Variants in CDH12 observed in about 807,000 individuals in gnomAD.
The protein encoded by CDH12 is cadherin-12.
A neutral mutation model predicts 74.1 loss-of-function variants in CDH12; 41 were observed. The ratio of observed to expected loss-of-function variants is 0.55; its 90% CI spans 0.43 to 0.72. The LOEUF (loss-of-function observed/expected upper bound fraction) is 0.72. CDH12 is among the 30% of genes least tolerant of loss of function. The pLI, the probability that CDH12 is intolerant of heterozygous loss-of-function variation, is 0.00. For synonymous variants in CDH12, 399 were observed against 355.0 expected, an observed-to-expected ratio of 1.12 and a Z score of -1.39; for missense variants, 945 against 977.2, an observed-to-expected ratio of 0.97 and a Z score of 0.44.
rs1232003036 is a variant in CDH12, at chr5:22,019,645, T to A, written c.232-44260A>T. Among the ~76,000 whole-genome samples, 5 of 152,194 alleles carry A rather than the reference T, an allele frequency of 3.3e-5. No homozygotes were observed. In the East Asian group the frequency reaches 9.6e-4, roughly 29 times the overall value. On this transcript the variant is annotated intron_variant, in intron 5 of 14. Coordinates refer to ENST00000382254, the MANE Select transcript of CDH12 (RefSeq NM_004061.5). ...GCCCTCGCCATGAACCAAACACTGA[T>A]GGCACCTGGATCTTGGACTTCCACC... is the stretch of plus-strand genomic sequence containing the variant.
chr5:22,261,405 A>G (rs1276988429), intron 3 of CDH12, among the ~76,000 whole-genome samples: 1 of 151,842 alleles, frequency 6.6e-6, no homozygotes, highest in African/African-American at 2.4e-5. Flanking sequence ...CTAGTTGTTA[A>G]TAGTTGGTAT....
In CDH12 at chr5:22,742,181, C is replaced by CA. The variant is rs540578576; in HGVS notation, c.-523+110876dup. 8.3e-4 allele frequency among the ~76,000 whole-genome samples: 105 copies of CA among 126,646 alleles called. 3 individuals carry two copies. The South Asian group carries it at 0.015, about 18-fold the overall frequency. 83.1% of individuals were successfully genotyped at this position (126,646 alleles called of 152,430 possible). ...TGGGTGACAGAGCAAGACTCCATTT[C>CA]AAAAAAAAAGAAGAAAGAAAGAAAG... is the stretch of plus-strand genomic sequence containing the variant. On this transcript the variant is annotated intron_variant, in intron 1 of 14. Coordinates refer to ENST00000382254, the MANE Select transcript of CDH12 (RefSeq NM_004061.5).
chr5:21,811,634 T>A (rs990978634), intron 9 of CDH12, among the ~76,000 whole-genome samples: 2 of 151,730 alleles, frequency 1.3e-5, no homozygotes, highest in African/African-American at 4.8e-5. Flanking sequence ...TCTAGACAAT[T>A]TGAATTTTTA....
At chr5:21,902,732 A>G (rs1753449859) in intron 6 of CDH12, among the ~76,000 whole-genome samples, 1 of 152,094 alleles carries the variant, frequency 6.6e-6, no homozygotes, top group Non-Finnish European at 1.5e-5. Flanking sequence ...TAAATAAGAA[A>G]CTAAACTTTA....
intron 6 of CDH12, among the ~76,000 whole-genome samples, chr5:21,902,373 A>G (rs1014709687): frequency 6.6e-6 from 1 of 151,698 alleles, no homozygotes; most frequent in Admixed American, 6.6e-5. Context: ...TCTCTTTCAG[A>G]TCTTTGCTAC....
chr5:21,755,972 G>A, intron 13 of CDH12, 130 bp from the exon 14 acceptor site: 1 of 843,884 alleles, frequency 1.2e-6, no homozygotes. Flanking sequence ...TTTTATTTCT[G>A]TTCACATTAT....
At chr5:22,560,422 C>T (rs548339967) in intron 1 of CDH12, among the ~76,000 whole-genome samples, 80 of 152,166 alleles carry the variant, frequency 5.3e-4, no homozygotes, top group African/African-American at 1.9e-3. Context: ...CTCTTGAAAC[C>T]TATCCCTTCA....
At chr5:21,883,587 A>G in intron 6 of CDH12, 1 of 1,604,356 alleles carries the variant, frequency 6.2e-7, no homozygotes, top group Non-Finnish European at 8.5e-7. Flanking sequence ...GTTGACCCTG[A>G]ATCTTGAAGA....
At chr5:22,816,372 C>A (rs527992580) in intron 1 of CDH12, among the ~76,000 whole-genome samples, 16 of 152,216 alleles carry the variant, frequency 1.1e-4, no homozygotes, top group African/African-American at 3.6e-4. Flanking sequence ...TCTTCCTAGA[C>A]TGCCAAATTT....
intron 5 of CDH12, among the ~76,000 whole-genome samples, chr5:21,978,462 T>A (rs1241146764): frequency 2.0e-5 from 3 of 152,158 alleles, no homozygotes; most frequent in African/African-American, 7.2e-5. Context: ...TATTTTTATA[T>A]GTTTCAGTTA....
At chr5:22,775,334 A>C (rs1747035410) in intron 1 of CDH12, among the ~76,000 whole-genome samples, 1 of 152,084 alleles carries the variant, frequency 6.6e-6, no homozygotes, top group African/African-American at 2.4e-5. Flanking sequence ...TATCACTGAC[A>C]CAAAATCACA....
chr5:22,125,083 G>A (rs1024930375), intron 4 of CDH12, among the ~76,000 whole-genome samples: 2 of 151,992 alleles, frequency 1.3e-5, no homozygotes, highest in Non-Finnish European at 2.9e-5. Context: ...TCAAGATTCG[G>A]GGTTTGATAC....
In CDH12 at chr5:21,800,904, C is replaced by T. The variant is rs137959475; in HGVS notation, c.1256+1263G>A. Among the ~76,000 whole-genome samples the T allele has an allele frequency of 5.6e-3, 855 of 152,236 alleles. 10 individuals are homozygous for T. Among genetic ancestry groups the T allele is most frequent in the African/African-American group, 0.02 (812 of 41,566 alleles). ...TGTAAGATGCGCCTGCTTCTCCTTC[C>T]GCCATGATTGTAAGTTTCCTGAGGC... On this transcript the variant is annotated intron_variant, in intron 10 of 14. Transcript: ENST00000382254.
At chr5:22,180,823 T>C (rs1749605403) in intron 4 of CDH12, among the ~76,000 whole-genome samples, 1 of 152,052 alleles carries the variant, frequency 6.6e-6, no homozygotes, top group Admixed American at 6.6e-5. Flanking sequence ...TGAATGCCCA[T>C]AGAGAATACA....
intron 3 of CDH12, among the ~76,000 whole-genome samples, chr5:22,266,463 G>T (rs745491084): frequency 2.0e-5 from 3 of 152,088 alleles, no homozygotes; most frequent in African/African-American, 7.2e-5. Context: ...TTCAACTATA[G>T]ATGGCAGGAT....
intron 4 of CDH12, among the ~76,000 whole-genome samples, chr5:22,179,651 T>A (rs1410176144): frequency 2.0e-5 from 3 of 152,184 alleles, no homozygotes; most frequent in Admixed American, 6.5e-5. Context: ...TTTTTAAAGT[T>A]TCTCAATTTG....
intron 1 of CDH12, among the ~76,000 whole-genome samples, chr5:22,585,627 G>A (rs1013576811): frequency 4.6e-5 from 7 of 151,852 alleles, no homozygotes; most frequent in African/African-American, 9.7e-5. Context: ...GTTCATTTTT[G>A]ATACTTTCTT....
chr5:22,226,697 G>GA, intron 3 of CDH12, among the ~76,000 whole-genome samples: 1 of 152,086 alleles, frequency 6.6e-6, no homozygotes, highest in Non-Finnish European at 1.5e-5. Context: ...ACAGCTTAAG[G>GA]AAATGAACAC....
At chr5:22,138,517 G>GA (rs1232744070) in intron 4 of CDH12, among the ~76,000 whole-genome samples, 1 of 150,658 alleles carries the variant, frequency 6.6e-6, no homozygotes, top group Non-Finnish European at 1.5e-5. Context: ...TAAAGTTGGG[G>GA]AAAAAAACAA....
Sources: allele counts gnomAD v4.1 joint callset (sites outside exome capture counted in the v4.1 genomes callset), GRCh38; gene constraint gnomAD v4.1.1; transcripts MANE v1.5; gene names NCBI Gene and HGNC (gene_info 2026-07-23, HGNC 2026-07-21).